MYOCD: variants seen among roughly 807,000 people sequenced by gnomAD.
MYOCD encodes the protein myocardin.
In MYOCD, 32 loss-of-function variants were observed where a neutral mutation model predicts 96.1. The observed-to-expected ratio is 0.33, with a 90% CI of 0.25 to 0.45. The LOEUF is 0.45. Among genes scored for constraint, MYOCD ranks in the 20% least tolerant of loss-of-function variants. MYOCD has a pLI of 1.00. For synonymous variants in MYOCD, 469 were observed against 469.0 expected, an observed-to-expected ratio of 1.00 and a Z score of 0.00; for missense variants, 1,133 against 1,200.6, an observed-to-expected ratio of 0.94 and a Z score of 0.83.
chr17:12,694,130 T>C (rs1326153572), intron 1 of MYOCD, among the ~76,000 whole-genome samples: 1 of 152,138 alleles, frequency 6.6e-6, no homozygotes, highest in Non-Finnish European at 1.5e-5. Flanking sequence ...AAAAGTAACC[T>C]TCTGCTCAAA....
chr17:12,728,958 C>G (rs1397236820), intron 5 of MYOCD, among the ~76,000 whole-genome samples: 1 of 152,224 alleles, frequency 6.6e-6, no homozygotes, highest in African/African-American at 2.4e-5. Context: ...GTGCTAGTCA[C>G]TGCTCACCAA....
Position 12,753,346 on chromosome 17 carries a change from G to C in MYOCD, c.2058G>C (p.Gln686His). The C allele has an allele frequency of 6.4e-7, 1 of 1,563,632 alleles. No homozygotes were observed. ...TCAGCAGCCAGGTGTGCACTGCACAGGTAAGAGCACCTTGCGCCATGCCTG... is the reference window on the plus strand; with the variant it reads ...TCAGCAGCCAGGTGTGCACTGCACACGTAAGAGCACCTTGCGCCATGCCTG... ...SPISSQVCTAQNSGAHDGHPP... is the reference protein window; with the variant it reads ...SPISSQVCTAHNSGAHDGHPP... The change falls in exon 10 of 14, where the codon CAG (glutamine) becomes CAC (histidine). Residue 686 changes from glutamine (Q) to histidine (H), a missense_variant and splice_region_variant. Gln to His is a conservative substitution (Grantham distance 24). Coordinates refer to ENST00000425538, the MANE Select transcript of MYOCD (RefSeq NM_001146312.3).
At chr17:12,706,202 A>G (rs141332025) in intron 2 of MYOCD, 1 of 152,358 alleles carries the variant, frequency 6.6e-6, no homozygotes, top group East Asian at 1.9e-4. Flanking sequence ...AAGCTCTAGA[A>G]TAGTAAACAG....
chr17:12,744,994 C>T (rs1160377684), intron 8 of MYOCD, among the ~76,000 whole-genome samples: 1 of 152,098 alleles, frequency 6.6e-6, no homozygotes, highest in African/African-American at 2.4e-5. Flanking sequence ...TAAGAGGCCC[C>T]TTTGGGGAAA....
At chr17:12,723,609 G>A (rs978299849) in intron 5 of MYOCD, among the ~76,000 whole-genome samples, 9 of 152,166 alleles carry the variant, frequency 5.9e-5, no homozygotes, top group Admixed American at 1.3e-4. Context: ...GTATAACATC[G>A]TTTTGTAGAC....
intron 1 of MYOCD, among the ~76,000 whole-genome samples, chr17:12,698,729 C>CTTTTTTTTT (rs55758881): frequency 1.6e-5 from 1 of 64,082 alleles, no homozygotes; most frequent in Non-Finnish European, 2.7e-5. Flanking sequence ...ACCAGACCCT[C>CTTTTTTTTT]TTTTTTTTTT....
At position 12,767,713 on chromosome 17, in the gene MYOCD, T is replaced by C. The variant is rs2033378351; in HGVS notation, c.*4069T>C. 1.3e-5 allele frequency: 2 copies of C among 152,352 alleles called. No individual in the cohort carries two copies. Among genetic ancestry groups the C allele is most frequent in the South Asian group, 2.1e-4 (1 of 4,822 alleles). The allele number at this position is 152,352 out of a possible 1,614,324, so 9.4% of individuals were successfully genotyped here. ...TTCAAAATTCTTGTCTTTTTCTTTG[T>C]GGACAAACACCAGTAGTCTATCACT... On this transcript the variant is annotated 3_prime_UTR_variant, in exon 14 of 14. Transcript: ENST00000425538.
Position 12,753,253 on chromosome 17 carries a change from C to A in MYOCD, c.1965C>A (p.Pro655=), listed in dbSNP as rs1733723441. Residue 655 remains proline, a synonymous_variant, in exon 10 of 14, where the codon CCC becomes CCA. Coordinates refer to ENST00000425538, the MANE Select transcript of MYOCD (RefSeq NM_001146312.3). ...AGCACATCAGTTTGCCCCCATCACC[C>A]AACAACCCTCACTTTCTGCCCTCAT... ...SPQHISLPPS[P]NNPHFLPSSS... 2 of 1,614,060 alleles carry A rather than the reference C, an allele frequency of 1.2e-6. No homozygotes were observed. The highest frequency in any genetic ancestry group is 1.7e-5 in the Admixed American group (1 of 59,992).
intron 13 of MYOCD, 142 bp from the exon 14 acceptor site, chr17:12,762,931 G>A: frequency 1.5e-6 from 1 of 649,862 alleles, no homozygotes; most frequent in Non-Finnish European, 2.6e-6. Flanking sequence ...GAGATTGATA[G>A]AGCAGCTTAG....
At chr17:12,700,112 T>C (rs1488309296) in intron 1 of MYOCD, among the ~76,000 whole-genome samples, 1 of 151,786 alleles carries the variant, frequency 6.6e-6, no homozygotes, top group Non-Finnish European at 1.5e-5. Context: ...GGTTTTGTCA[T>C]GTTGGCCAGG....
chr17:12,684,935 C>T (rs968764266), intron 1 of MYOCD, among the ~76,000 whole-genome samples: 2 of 151,876 alleles, frequency 1.3e-5, no homozygotes, highest in African/African-American at 4.8e-5. Flanking sequence ...TCTTTCACAG[C>T]ACAAGTTATA....
intron 1 of MYOCD, among the ~76,000 whole-genome samples, chr17:12,685,010 T>C (rs889156440): frequency 1.3e-5 from 2 of 151,964 alleles, no homozygotes; most frequent in Non-Finnish European, 2.9e-5. Flanking sequence ...TTTTATTCAT[T>C]TTGGGCCAGG....
At chr17:12,744,149 T>TGC in intron 7 of MYOCD, 34 bp from the exon 8 acceptor site, 1 of 1,608,586 alleles carries the variant, frequency 6.2e-7, no homozygotes, top group Non-Finnish European at 8.5e-7. Context: ...AGCCATCACC[T>TGC]AAAGCACATG....
At chr17:12,713,269 C>A (rs2150681019) in intron 2 of MYOCD, among the ~76,000 whole-genome samples, 1 of 152,154 alleles carries the variant, frequency 6.6e-6, no homozygotes, top group Admixed American at 6.5e-5. Flanking sequence ...TTATTAACAC[C>A]AAGAAGTGAT....
At chr17:12,686,401 A>G (rs573555101) in intron 1 of MYOCD, among the ~76,000 whole-genome samples, 6 of 152,316 alleles carry the variant, frequency 3.9e-5, no homozygotes, top group Admixed American at 3.3e-4. Context: ...CTGCCAATAT[A>G]TCAGGGCAGA....
At chr17:12,760,436 G>A (rs574529928) in intron 12 of MYOCD, 2 of 512,882 alleles carry the variant, frequency 3.9e-6, no homozygotes, top group Admixed American at 6.3e-5. Flanking sequence ...GGTGGTGATG[G>A]TCACACAATT....
chr17:12,690,298 A>G (rs1407378169), intron 1 of MYOCD, among the ~76,000 whole-genome samples: 1 of 152,192 alleles, frequency 6.6e-6, no homozygotes, highest in Non-Finnish European at 1.5e-5. Context: ...ATGAGATACC[A>G]TTGTTACTTA....
chr17:12,666,548 A>T (rs1343261079), intron 1 of MYOCD, among the ~76,000 whole-genome samples: 1 of 152,138 alleles, frequency 6.6e-6, no homozygotes, highest in Admixed American at 6.5e-5. Flanking sequence ...GCAACTTTGG[A>T]AATGAACAAA....
chr17:12,729,078 C>T (rs1227110694), intron 5 of MYOCD, among the ~76,000 whole-genome samples: 1 of 152,180 alleles, frequency 6.6e-6, no homozygotes, highest in South Asian at 2.1e-4. Context: ...ATTTTGAAGG[C>T]AGCTAGATAA....
Sources: allele counts gnomAD v4.1 joint callset (sites outside exome capture counted in the v4.1 genomes callset), GRCh38; gene constraint gnomAD v4.1.1; transcripts MANE v1.5; gene names NCBI Gene and HGNC (gene_info 2026-07-23, HGNC 2026-07-21).